Variants in CEP152 observed in about 807,000 individuals in gnomAD.
CEP152 encodes the protein centrosomal protein 152.
CEP152 carries 132 observed loss-of-function variants against 188.9 expected under a neutral mutation model. The observed-to-expected ratio is 0.70, with a 90% CI of 0.61 to 0.81. The LOEUF (loss-of-function observed/expected upper bound fraction) is 0.81, where lower values mean the gene tolerates loss of function less well. CEP152 is among the 30% of genes least tolerant of loss of function. The pLI is 0.00. For synonymous variants in CEP152, 649 were observed against 666.6 expected, an observed-to-expected ratio of 0.97 and a Z score of 0.41; for missense variants, 1,914 against 1,969.8, an observed-to-expected ratio of 0.97 and a Z score of 0.54.
In CEP152 at chr15:48,738,582, T is replaced by G; in HGVS notation, c.4800A>C (p.Glu1600Asp). Residue 1600 changes from glutamate to aspartate, a missense_variant, in exon 27 of 27, where the codon GAA becomes GAC. Physicochemically the swap from Glu to Asp is conservative, Grantham distance 45. Transcript: ENST00000380950. ...FVHGRPQGTLEIPSESVKSKQ... is the reference protein window; with the variant it reads ...FVHGRPQGTLDIPSESVKSKQ... ...TGGATTTAACAGATTCACTTGGTATTTCCAAAGTTCCTTGTGGCCTACCAT... is the reference window on the plus strand; with the variant it reads ...TGGATTTAACAGATTCACTTGGTATGTCCAAAGTTCCTTGTGGCCTACCAT... 6.2e-7 allele frequency: 1 copy of G among 1,614,202 alleles called. No homozygotes were observed. Among genetic ancestry groups the G allele is most frequent in the Non-Finnish European group, 8.5e-7 (1 of 1,180,028 alleles).
intron 9 of CEP152, among the ~76,000 whole-genome samples, chr15:48,787,422 C>G (rs1408446060): frequency 6.6e-6 from 1 of 152,068 alleles, no homozygotes; most frequent in African/African-American, 2.4e-5. Flanking sequence ...CCACCTGCCT[C>G]AACCTCCCGA....
rs1488582811 is a variant in CEP152 at position 48,744,906 on chromosome 15, T to G, written c.3721A>C (p.Thr1241Pro). The change falls in exon 23 of 27, where the codon ACA (threonine) becomes CCA (proline). Residue 1241 changes from threonine to proline, a missense_variant. By Grantham distance (38) the Thr-to-Pro change is conservative (BLOSUM62 -1). Transcript: ENST00000380950. ...KLEELQTLCKTPPRSLSAGAI... is the reference protein window; with the variant it reads ...KLEELQTLCKPPPRSLSAGAI... Reference sequence around the variant, plus strand: ...ATAGTAAAAGTATACCTTGGTGGTGTTTTACAAAGTGTTTGCAATTCTTCC... The same window carrying G: ...ATAGTAAAAGTATACCTTGGTGGTGGTTTACAAAGTGTTTGCAATTCTTCC... 2.5e-6 allele frequency: 4 copies of G among 1,609,514 alleles called. No individual in the cohort carries two copies. Among genetic ancestry groups the G allele is most frequent in the East Asian group, 2.2e-5 (1 of 44,700 alleles).
At chr15:48,766,426 A>T (rs999842036) in intron 17 of CEP152, among the ~76,000 whole-genome samples, 3 of 152,186 alleles carry the variant, frequency 2.0e-5, no homozygotes, top group African/African-American at 7.2e-5. Context: ...AGGAGGTGTG[A>T]CTGTTTACAT....
At chr15:48,744,479 A>G in intron 23 of CEP152, 136 bp from the exon 24 acceptor site, 1 of 1,430,204 alleles carries the variant, frequency 7.0e-7, no homozygotes, top group East Asian at 2.5e-5. Flanking sequence ...AATCTCCACT[A>G]TACAGTTATT....
intron 21 of CEP152, among the ~76,000 whole-genome samples, chr15:48,751,248 T>C (rs936636300): frequency 6.6e-6 from 1 of 152,230 alleles, no homozygotes; most frequent in Non-Finnish European, 1.5e-5. Flanking sequence ...CAAAACTAAT[T>C]GCTTTTATAT....
At chr15:48,791,212 A>G (rs377304111) in intron 8 of CEP152, 25 bp downstream of exon 8, 84 of 1,592,926 alleles carry the variant, frequency 5.3e-5, no homozygotes, top group Non-Finnish European at 6.7e-5. Context: ...TAATTTTTTT[A>G]CCATACATAA....
chr15:48,759,041 C>T (rs1894482822), intron 19 of CEP152, among the ~76,000 whole-genome samples: 1 of 151,956 alleles, frequency 6.6e-6, no homozygotes, highest in African/African-American at 2.4e-5. Flanking sequence ...TCTCTCTCTC[C>T]CTCTTAAATT....
At chr15:48,752,944 T>C (rs1161997296) in intron 20 of CEP152, among the ~76,000 whole-genome samples, 1 of 152,216 alleles carries the variant, frequency 6.6e-6, no homozygotes, top group African/African-American at 2.4e-5. Context: ...TAGTACTTCA[T>C]ATGCTTCTAA....
At chr15:48,796,314 ACAC>A (rs1897293067) in intron 5 of CEP152, among the ~76,000 whole-genome samples, 154 bp from the exon 6 acceptor site, 1 of 151,932 alleles carries the variant, frequency 6.6e-6, no homozygotes, top group Non-Finnish European at 1.5e-5. Flanking sequence ...ACACACACAC[ACAC>A]ACACACATAT....
intron 13 of CEP152, among the ~76,000 whole-genome samples, chr15:48,770,918 T>TA (rs959259259): frequency 6.6e-6 from 1 of 152,048 alleles, no homozygotes; most frequent in Non-Finnish European, 1.5e-5. Context: ...ATATTATACA[T>TA]ACTTTAGCAG....
chr15:48,796,919 T>C (rs1055574019), intron 5 of CEP152, among the ~76,000 whole-genome samples: 1 of 152,184 alleles, frequency 6.6e-6, no homozygotes, highest in East Asian at 1.9e-4. Flanking sequence ...GGAAATTAAA[T>C]GTTGCCACCT....
At chr15:48,801,566 T>C (rs891840460) in intron 2 of CEP152, among the ~76,000 whole-genome samples, 1 of 152,224 alleles carries the variant, frequency 6.6e-6, no homozygotes, top group African/African-American at 2.4e-5. Context: ...TATCTTGATA[T>C]CATAGATTAC....
intron 2 of CEP152, among the ~76,000 whole-genome samples, chr15:48,803,736 A>G (rs537857574): frequency 2.5e-4 from 38 of 152,312 alleles, no homozygotes; most frequent in African/African-American, 8.9e-4. Flanking sequence ...CTCCTTAACT[A>G]GTATCCCCTC....
At position 48,793,355 on chromosome 15, in the gene CEP152, A is replaced by C. The variant is rs1274223351; in HGVS notation, c.798T>G (p.Ile266Met). Residue 266 changes from isoleucine to methionine, a missense_variant, in exon 7 of 27, where the codon ATT (isoleucine) becomes ATG (methionine). Transcript: ENST00000380950. Reference sequence around the variant, plus strand: ...TTACAAGCTGGTGATTCAGATATCGAATTTGACGTTCACTTTCATTTAACT... The same window carrying C: ...TTACAAGCTGGTGATTCAGATATCGCATTTGACGTTCACTTTCATTTAACT... Reference protein sequence around the residue: ...IEKLNESERQIRYLNHQLVII... With the variant: ...IEKLNESERQMRYLNHQLVII... The C allele has an allele frequency of 4.3e-6, 7 of 1,613,926 alleles. No individual in the cohort carries two copies. In the South Asian group the frequency reaches 7.7e-5, roughly 18 times the overall value.
chr15:48,782,415 G>T (rs1444377114), intron 10 of CEP152, among the ~76,000 whole-genome samples, 185 bp from the exon 11 acceptor site: 2 of 152,168 alleles, frequency 1.3e-5, no homozygotes, highest in Non-Finnish European at 2.9e-5. Context: ...ACATTTCCCA[G>T]ATTTAGTATG....
chr15:48,743,812 G>A (rs1245635975), intron 24 of CEP152, among the ~76,000 whole-genome samples: 2 of 151,988 alleles, frequency 1.3e-5, no homozygotes. Context: ...GCAGTGAGCC[G>A]AGACTGCACC....
At position 48,748,322 on chromosome 15, in the gene CEP152, A is replaced by C. The variant is rs114597334; in HGVS notation, c.3634+121T>G. The C allele has an allele frequency of 2.8e-3, 3,641 of 1,291,740 alleles. 91 individuals carry two copies. In the African/African-American group the frequency reaches 0.051, roughly 18 times the overall value. 80.0% of individuals were successfully genotyped at this position (1,291,740 alleles called of 1,614,324 possible). ...TTTGATTAGTAAAAATAAGATCCAA[A>C]TTAGTTTATATTAATCCCAAAAGAG... On this transcript the variant is annotated intron_variant, in intron 22 of 26. Coordinates refer to ENST00000380950, the MANE Select transcript of CEP152 (RefSeq NM_001194998.2).
chr15:48,750,157 C>T (rs1346624146), intron 21 of CEP152, among the ~76,000 whole-genome samples: 5 of 152,088 alleles, frequency 3.3e-5, no homozygotes, highest in African/African-American at 9.6e-5. Flanking sequence ...TTTCTTTTTG[C>T]TATTTTTCTA....
At chr15:48,794,203 A>T (rs563050472) in intron 6 of CEP152, among the ~76,000 whole-genome samples, 222 of 152,278 alleles carry the variant, frequency 1.5e-3, no homozygotes, top group African/African-American at 4.7e-3. Flanking sequence ...TTAAAAAAAA[A>T]TTTTTGAAGT....
Sources: allele counts gnomAD v4.1 joint callset (sites outside exome capture counted in the v4.1 genomes callset), GRCh38; gene constraint gnomAD v4.1.1; transcripts MANE v1.5; gene names NCBI Gene and HGNC (gene_info 2026-07-23, HGNC 2026-07-21).